Variants in GNB5 observed in about 807,000 individuals in gnomAD.
GNB5 encodes the protein guanine nucleotide-binding protein subunit beta-5.
In GNB5, 37 loss-of-function variants were observed where a neutral mutation model predicts 55.3. The ratio of observed to expected loss-of-function variants is 0.67; its 90% CI spans 0.51 to 0.88. GNB5 has a LOEUF of 0.88. Ranked by LOEUF, GNB5 falls within the 40% of genes least tolerant of loss-of-function variation. The pLI, the probability that GNB5 is intolerant of heterozygous loss-of-function variation, is 0.00. For synonymous variants in GNB5, 219 were observed against 198.5 expected, an observed-to-expected ratio of 1.10 and a Z score of -0.87; for missense variants, 476 against 515.3, an observed-to-expected ratio of 0.92 and a Z score of 0.74.
At chr15:52,181,284 C>G (rs572227993) in intron 2 of GNB5, 1 of 152,226 alleles carries the variant, frequency 6.6e-6, no homozygotes, top group African/African-American at 2.4e-5. Context: ...AAAGCTTCTT[C>G]ATAGGATCTG....
intron 9 of GNB5, among the ~76,000 whole-genome samples, chr15:52,131,750 T>C (rs1367178449): frequency 6.6e-6 from 1 of 152,240 alleles, no homozygotes; most frequent in Non-Finnish European, 1.5e-5. Flanking sequence ...TGTTCTTGTT[T>C]TTAAGAGAAA....
At position 52,179,839 on chromosome 15, in the gene GNB5, G is replaced by A. The variant is rs375782449; in HGVS notation, c.167C>T (p.Ser56Leu). 3.9e-6 allele frequency: 6 copies of A among 1,554,086 alleles called. No homozygotes were observed. Among genetic ancestry groups the A allele is most frequent in the African/African-American group, 2.8e-5 (2 of 70,410 alleles). Residue 56 changes from serine (S) to leucine (L), a missense_variant, in exon 3 of 13, where the codon TCG (serine) becomes TTG (leucine). Transcript: ENST00000261837. ...EGLHENETLA[S>L]LKSEAESLKG... ...GAGGCTCTCGGCCTCGCTCTTCAGC[G>A]ACGCCAGCGTCTCGTTCTCGTGCAG...
chr15:52,123,671 T>C (rs1307751719), intron 12 of GNB5: 1 of 152,176 alleles, frequency 6.6e-6, no homozygotes, highest in Non-Finnish European at 1.5e-5. Context: ...GCCTCCCGAG[T>C]AGCCGGGACT....
chr15:52,128,318 T>C, intron 9 of GNB5, 74 bp from the exon 10 acceptor site: 1 of 924,938 alleles, frequency 1.1e-6, no homozygotes, highest in South Asian at 1.4e-5. Context: ...TGCTAGGCCC[T>C]TGGAATCAGA....
intron 3 of GNB5, among the ~76,000 whole-genome samples, chr15:52,158,313 G>A (rs1027617863): frequency 1.3e-5 from 2 of 152,128 alleles, no homozygotes; most frequent in African/African-American, 4.8e-5. Context: ...ATTCAAGCCT[G>A]GCATAAAGGG....
At chr15:52,149,807 G>T in intron 5 of GNB5, 77 bp downstream of exon 5, 2 of 1,047,064 alleles carry the variant, frequency 1.9e-6, no homozygotes, top group Non-Finnish European at 3.0e-6. Flanking sequence ...GGACAGGGCC[G>T]GGCAGCTGGA....
intron 3 of GNB5, among the ~76,000 whole-genome samples, chr15:52,169,538 C>CAAAAAAAAAAAAAAAAA (rs60470864): frequency 5.6e-5 from 4 of 71,482 alleles, no homozygotes; most frequent in Non-Finnish European, 9.8e-5. Flanking sequence ...GACTCTGTCT[C>CAAAAAAAAAAAAAAAAA]AAAAAAAAAA....
chr15:52,182,042 T>C (rs1185338924), intron 2 of GNB5, among the ~76,000 whole-genome samples: 1 of 152,256 alleles, frequency 6.6e-6, no homozygotes, highest in African/African-American at 2.4e-5. Flanking sequence ...TAGATCTGAC[T>C]GCCTGGGGGC....
At chr15:52,190,000 G>T (rs2034896451) in intron 1 of GNB5, among the ~76,000 whole-genome samples, 1 of 152,074 alleles carries the variant, frequency 6.6e-6, no homozygotes, top group Non-Finnish European at 1.5e-5. Flanking sequence ...AAATACTCTG[G>T]AGTCAGTGGC....
At position 52,128,224 on chromosome 15, in the gene GNB5, G is replaced by C. The variant is rs2033478244; in HGVS notation, c.884C>G (p.Ala295Gly). Residue 295 changes from alanine to glycine, a missense_variant, in exon 10 of 13, where the codon GCC becomes GGC. By Grantham distance (60) the Ala-to-Gly change is moderately conservative. Coordinates refer to ENST00000261837, the MANE Select transcript of GNB5 (RefSeq NM_016194.4). Reference protein sequence around the residue: ...NSVRYYPSGDAFASGSDDATC... With the variant: ...NSVRYYPSGDGFASGSDDATC... ...AGCGTCATCTGACCCTGAAGCAAAG[G>C]CATCTCCACTGGGGTAGTACCTGCA... 3 of 1,610,748 alleles carry C rather than the reference G, an allele frequency of 1.9e-6. No individual in the cohort carries two copies. In the Admixed American group the frequency reaches 5.0e-5, roughly 27 times the overall value.
At chr15:52,158,786 A>G (rs1182600793) in intron 3 of GNB5, among the ~76,000 whole-genome samples, 1 of 151,952 alleles carries the variant, frequency 6.6e-6, no homozygotes. Context: ...TTCCTAGTTC[A>G]TTCCAGTTCA....
chr15:52,158,141 C>G (rs1466351291), intron 3 of GNB5, among the ~76,000 whole-genome samples: 1 of 152,048 alleles, frequency 6.6e-6, no homozygotes, highest in Non-Finnish European at 1.5e-5. Flanking sequence ...CTTGTTTGAT[C>G]TTCTTCAGAG....
chr15:52,141,813 C>G (rs1454307548), intron 6 of GNB5, among the ~76,000 whole-genome samples: 1 of 152,202 alleles, frequency 6.6e-6, no homozygotes, highest in Non-Finnish European at 1.5e-5. Flanking sequence ...ACATCCTTAT[C>G]ACATTTGAGA....
At chr15:52,136,406 G>A (rs964155883) in intron 7 of GNB5, among the ~76,000 whole-genome samples, 7 of 152,118 alleles carry the variant, frequency 4.6e-5, no homozygotes, top group Admixed American at 4.6e-4. Context: ...GCCTCCCACT[G>A]CTGTGCAGGC....
chr15:52,175,565 C>A (rs1420768067), intron 3 of GNB5, among the ~76,000 whole-genome samples: 1 of 150,874 alleles, frequency 6.6e-6, no homozygotes, highest in Non-Finnish European at 1.5e-5. Flanking sequence ...ATGGTGAAAC[C>A]CGGTCTCCAC....
intron 3 of GNB5, among the ~76,000 whole-genome samples, chr15:52,157,896 G>GC (rs1345101427): frequency 1.4e-5 from 2 of 142,370 alleles, no homozygotes; most frequent in East Asian, 4.1e-4. Flanking sequence ...ACATTAGGAA[G>GC]TTAAAAAAAA....
chr15:52,126,140 G>T, intron 10 of GNB5, 96 bp from the exon 11 acceptor site: 1 of 642,378 alleles, frequency 1.6e-6, no homozygotes, highest in Non-Finnish European at 2.8e-6. Flanking sequence ...GACTTGCGTA[G>T]TTTAAAAGAT....
intron 3 of GNB5, among the ~76,000 whole-genome samples, chr15:52,154,564 C>G (rs936771160): frequency 2.6e-5 from 4 of 152,168 alleles, no homozygotes; most frequent in African/African-American, 9.7e-5. Context: ...CTCCTGCCTA[C>G]CACTCTCTCA....
intron 3 of GNB5, among the ~76,000 whole-genome samples, chr15:52,176,087 A>T (rs1372874587): frequency 2.3e-5 from 2 of 87,458 alleles, no homozygotes; most frequent in African/African-American, 5.3e-5. Context: ...AAACAAAAAC[A>T]TCTGTTAACT....
Sources: gnomAD v4.1 joint callset for allele counts (sites outside exome capture counted in the v4.1 genomes callset) on GRCh38, gnomAD v4.1.1 for gene constraint, MANE v1.5 for transcripts, NCBI Gene and HGNC (gene_info 2026-07-23, HGNC 2026-07-21) for gene names.